NALCN: variants seen among roughly 807,000 people sequenced by gnomAD.
The protein encoded by NALCN is sodium leak channel NALCN.
Under a neutral mutation model 225.3 loss-of-function variants are expected in NALCN, and 111 were observed. That is an observed-to-expected ratio of 0.49 (90% CI 0.42 to 0.58). NALCN has a LOEUF of 0.58. Ranked by LOEUF, NALCN falls within the 20% of genes least tolerant of loss-of-function variation. The pLI is 0.00. For synonymous variants in NALCN, 764 were observed against 769.0 expected, an observed-to-expected ratio of 0.99 and a Z score of 0.11; for missense variants, 1,378 against 2,202.4, an observed-to-expected ratio of 0.63 and a Z score of 7.49.
chr13:101,136,457 C>T (rs2036799908), intron 17 of NALCN, among the ~76,000 whole-genome samples: 1 of 143,696 alleles, frequency 7.0e-6, no homozygotes, highest in Non-Finnish European at 1.5e-5. Flanking sequence ...CTCCCCCCTC[C>T]CCCTGCCCCA....
chr13:101,066,974 T>C (rs1426706325), intron 39 of NALCN, among the ~76,000 whole-genome samples: 1 of 152,072 alleles, frequency 6.6e-6, no homozygotes, highest in Non-Finnish European at 1.5e-5. Context: ...CCAACTACTG[T>C]CTATAGTTTT....
At chr13:101,330,541 G>A (rs2045129272) in intron 7 of NALCN, among the ~76,000 whole-genome samples, 1 of 152,144 alleles carries the variant, frequency 6.6e-6, no homozygotes, top group Non-Finnish European at 1.5e-5. Context: ...ATCCATGCGG[G>A]GCAAAAGAGT....
chr13:101,357,706 A>C (rs572433058), intron 6 of NALCN, among the ~76,000 whole-genome samples: 135 of 152,304 alleles, frequency 8.9e-4, no homozygotes, highest in African/African-American at 2.9e-3. Flanking sequence ...ATATGGAACC[A>C]AAAAAGAGCC....
chr13:101,202,241 AC>A (rs2040150327), intron 13 of NALCN, among the ~76,000 whole-genome samples: 1 of 152,218 alleles, frequency 6.6e-6, no homozygotes, highest in Non-Finnish European at 1.5e-5. Context: ...TGTTGGGGTT[AC>A]ATTTCTAAAA....
At chr13:101,335,307 TTTC>T (rs2045342060) in intron 7 of NALCN, among the ~76,000 whole-genome samples, 3 of 152,140 alleles carry the variant, frequency 2.0e-5, no homozygotes, top group Non-Finnish European at 4.4e-5. Flanking sequence ...GGACACCTAA[TTTC>T]AGTTTAAGTA....
At chr13:101,412,911 C>T (rs2139564503) in intron 1 of NALCN, among the ~76,000 whole-genome samples, 1 of 152,178 alleles carries the variant, frequency 6.6e-6, no homozygotes, top group African/African-American at 2.4e-5. Flanking sequence ...TGATTTTTTT[C>T]TTTTTCCAGC....
Position 101,179,880 on chromosome 13 carries a change from C to T in NALCN, c.1765-3506G>A, listed in dbSNP as rs543936715. Among the ~76,000 whole-genome samples the T allele has an allele frequency of 3.3e-5, 5 of 152,298 alleles. No homozygotes were observed. In the East Asian group the frequency reaches 5.8e-4, roughly 18 times the overall value. ...TCTCCAAAGGCCACGGGGGAGAATA[C>T]TCCCTTGTCTCTTCCAGCTGCTGGT... is the stretch of plus-strand genomic sequence containing the variant. On this transcript the variant is annotated intron_variant, in intron 14 of 43. Transcript: ENST00000251127.
At position 101,177,409 on chromosome 13, in the gene NALCN, G is replaced by GTATATATATA. The variant is rs10624930; in HGVS notation, c.1765-1045_1765-1036dup. 9.5e-4 allele frequency among the ~76,000 whole-genome samples: 118 copies of GTATATATATA among 124,366 alleles called. 4 individuals carry two copies. Among genetic ancestry groups the GTATATATATA allele is most frequent in the African/African-American group, 2.3e-3 (82 of 36,388 alleles). 81.6% of individuals were successfully genotyped at this position (124,366 alleles called of 152,430 possible). The stretch of plus-strand genomic sequence containing the variant: ...AAACACATTATAACAGTAAATACGA[G>GTATATATATA]TATATATATATATATATATATATGG... On this transcript the variant is annotated intron_variant, in intron 14 of 43. Transcript: ENST00000251127.
In NALCN at chr13:101,404,843, T is replaced by G. The variant is rs78559739; in HGVS notation, c.-39-5678A>C. Reference sequence around the variant, plus strand: ...AAACATCTGTGCCCCTTCCTTGTCTTTCTTGTCCCATAGCTCATTCACATG... The same window carrying G: ...AAACATCTGTGCCCCTTCCTTGTCTGTCTTGTCCCATAGCTCATTCACATG... On this transcript the variant is annotated intron_variant, in intron 1 of 43. Coordinates refer to ENST00000251127, the MANE Select transcript of NALCN (RefSeq NM_052867.4). Among the ~76,000 whole-genome samples, 16 of 152,314 alleles carry G rather than the reference T, an allele frequency of 1.1e-4. No homozygotes were observed. The East Asian group carries it at 3.1e-3, about 29-fold the overall frequency.
At chr13:101,367,789 A>C (rs2046418440) in intron 6 of NALCN, among the ~76,000 whole-genome samples, 2 of 152,166 alleles carry the variant, frequency 1.3e-5, no homozygotes, top group East Asian at 1.9e-4. Flanking sequence ...ATATGTAAAA[A>C]CAATAATTTT....
chr13:101,343,193 C>T (rs1165011022), intron 7 of NALCN, among the ~76,000 whole-genome samples: 1 of 151,984 alleles, frequency 6.6e-6, no homozygotes, highest in Admixed American at 6.6e-5. Context: ...TGTGTATCTA[C>T]AGAGATACAT....
chr13:101,076,018 G>A, intron 34 of NALCN, 77 bp from the exon 35 acceptor site: 2 of 1,229,276 alleles, frequency 1.6e-6, no homozygotes, highest in Non-Finnish European at 2.3e-6. Context: ...TAAGCCTTCT[G>A]TGAAGTATAC....
In NALCN at chr13:101,143,469, CT is replaced by C. The variant is rs71292843; in HGVS notation, c.1977-249del. Among the ~76,000 whole-genome samples the C allele has an allele frequency of 6.0e-4, 88 of 147,112 alleles. No homozygotes were observed. Among genetic ancestry groups the C allele is most frequent in the East Asian group, 6.0e-4 (3 of 5,034 alleles). Reference sequence around the variant, plus strand: ...AGTAACCGATGGTAGTTTTTTGAATCTTTTTTTTTTTTGAGACGGAGTTTCA... The same window carrying C: ...AGTAACCGATGGTAGTTTTTTGAATCTTTTTTTTTTTGAGACGGAGTTTCA... On this transcript the variant is annotated intron_variant, in intron 16 of 43. Transcript: ENST00000251127.
chr13:101,124,812 G>T, intron 17 of NALCN, 131 bp from the exon 18 acceptor site: 1 of 834,214 alleles, frequency 1.2e-6, no homozygotes, highest in Non-Finnish European at 1.9e-6. Context: ...TCGTACAATT[G>T]ACAATTCTTG....
At chr13:101,339,744 G>A (rs2045495873) in intron 7 of NALCN, among the ~76,000 whole-genome samples, 1 of 152,130 alleles carries the variant, frequency 6.6e-6, no homozygotes, top group Non-Finnish European at 1.5e-5. Flanking sequence ...TTAAACATAT[G>A]CATGATGCTT....
At chr13:101,137,070 C>T (rs567826089) in intron 17 of NALCN, among the ~76,000 whole-genome samples, 26 of 152,274 alleles carry the variant, frequency 1.7e-4, no homozygotes, top group African/African-American at 2.6e-4. Flanking sequence ...TGAAATCTTA[C>T]GCATCTTTTT....
chr13:101,073,565 C>T lies in NALCN; in HGVS notation c.4197+19G>A. The T allele has an allele frequency of 6.3e-7, 1 of 1,594,430 alleles. No individual in the cohort carries two copies. The stretch of plus-strand genomic sequence containing the variant: ...GCTGATTCTAAGTCTAAGCCTTGTT[C>T]ATGATGAGAGATATTTACCATACAG... On this transcript the variant is annotated intron_variant, in intron 37 of 43. Transcript: ENST00000251127.
intron 10 of NALCN, among the ~76,000 whole-genome samples, chr13:101,260,018 G>A (rs559739104): frequency 3.6e-4 from 54 of 149,414 alleles, no homozygotes; most frequent in African/African-American, 1.1e-3. Context: ...GCCTCCCCCC[G>A]TCCCCCCAGT....
At chr13:101,108,388 T>C (rs573000576) in intron 20 of NALCN, among the ~76,000 whole-genome samples, 14 of 152,292 alleles carry the variant, frequency 9.2e-5, no homozygotes, top group Admixed American at 5.9e-4. Context: ...TAGGATGTTC[T>C]AGTCAGTGGG....
Sources: allele counts gnomAD v4.1 joint callset (sites outside exome capture counted in the v4.1 genomes callset), GRCh38; gene constraint gnomAD v4.1.1; transcripts MANE v1.5; gene names NCBI Gene and HGNC (gene_info 2026-07-23, HGNC 2026-07-21).